The following PSIP1 variants were observed in gnomAD, a reference collection of about 807,000 sequenced individuals.
The protein encoded by PSIP1 is PC4 and SRSF1 interacting protein 1.
PSIP1 carries 19 observed loss-of-function variants against 74.7 expected under a neutral mutation model. The observed-to-expected ratio is 0.25, with a 90% CI of 0.18 to 0.37. PSIP1 has a LOEUF of 0.37. PSIP1 is among the 10% of genes least tolerant of loss of function. The pLI is 1.00. For missense variants in PSIP1, 601 were observed against 614.3 expected (o/e 0.98, Z 0.23); for synonymous variants, 222 against 195.3 (o/e 1.14, Z -1.14).
Position 15,472,672 on chromosome 9 carries a change from C to G in PSIP1, c.937G>C (p.Asp313His). The change falls in exon 10 of 16, where the codon GAT becomes CAT. Residue 313 changes from aspartate (D) to histidine (H), a missense_variant. Coordinates refer to ENST00000380733, the MANE Select transcript of PSIP1 (RefSeq NM_033222.5). ...LKGQHEKEAADRKRKQEEQME... is the reference protein window; with the variant it reads ...LKGQHEKEAAHRKRKQEEQME... ...TGTTCCTCTTGCTTGCGTTTTCGAT[C>G]TGCTGCTTCTTTCTCATGTTGGCCT... 6.2e-7 allele frequency: 1 copy of G among 1,607,194 alleles called. No individual in the cohort carries two copies. The highest frequency in any genetic ancestry group is 8.5e-7 in the Non-Finnish European group (1 of 1,178,400).
rs1195643131 is a variant in PSIP1 at position 15,470,952 on chromosome 9, A to C, written c.978-959T>G. 1.7e-5 allele frequency: 20 copies of C among 1,153,210 alleles called. No homozygotes were observed. In the East Asian group the frequency reaches 1.9e-4, roughly 11 times the overall value. The allele number at this position is 1,153,210 out of a possible 1,614,324, so 71.4% of individuals were successfully genotyped here. A position where few individuals can be genotyped will look rare whatever the true frequency, so the allele number is the denominator to read the frequency against. On this transcript the variant is annotated intron_variant, in intron 10 of 15. Coordinates refer to ENST00000380733, the MANE Select transcript of PSIP1 (RefSeq NM_033222.5). ...GCTTGGTTAAAAAAAAAAAAAAAAAAAAAAAACAGGAATGATGGCCGACCT... is the reference window on the plus strand; with the variant it reads ...GCTTGGTTAAAAAAAAAAAAAAAAACAAAAAACAGGAATGATGGCCGACCT...
In PSIP1 at chr9:15,466,793, C is replaced by T. The variant is rs779610320; in HGVS notation, c.1487G>A (p.Ser496Asn). Residue 496 changes from serine (S) to asparagine (N), a missense_variant, in exon 15 of 16, where the codon AGC (serine) becomes AAC (asparagine). Physicochemically the swap from Ser to Asn is conservative, Grantham distance 46. Around this residue, in one of 2 missense-constraint regions of PSIP1, gnomAD observed 538 missense variants for 507.6 expected, o/e 1.06. Coordinates refer to ENST00000380733, the MANE Select transcript of PSIP1 (RefSeq NM_033222.5). ...ATGGTTGTCTTTGCTGTCTTCATTG[C>T]TCTCCCCGTTATGTTGTGGCTGATT... Reference protein sequence around the residue: ...DGNQPQHNGESNEDSKDNHEA... With the variant: ...DGNQPQHNGENNEDSKDNHEA... 1 of 1,613,634 alleles carries T rather than the reference C, an allele frequency of 6.2e-7. No homozygotes were observed.
At chr9:15,476,491 CA>C (rs1488636940) in intron 8 of PSIP1, among the ~76,000 whole-genome samples, 9 of 152,034 alleles carry the variant, frequency 5.9e-5, no homozygotes, top group African/African-American at 7.2e-5. Flanking sequence ...AAGATGTGTT[CA>C]AAAAAGATTA....
intron 8 of PSIP1, 98 bp downstream of exon 8, chr9:15,478,379 A>C: frequency 1.0e-6 from 1 of 960,794 alleles, no homozygotes; most frequent in Non-Finnish European, 1.6e-6. Flanking sequence ...AATAACAAAC[A>C]TCCTGTAAGA....
chr9:15,493,715 G>A (rs2036943380), intron 3 of PSIP1, among the ~76,000 whole-genome samples: 1 of 152,188 alleles, frequency 6.6e-6, no homozygotes, highest in South Asian at 2.1e-4. Context: ...GAGGGAATGA[G>A]CGCAAGCAGG....
chr9:15,470,089 TA>T, intron 10 of PSIP1, 96 bp from the exon 11 acceptor site: 1 of 952,112 alleles, frequency 1.1e-6, no homozygotes, highest in Non-Finnish European at 1.6e-6. Context: ...TTCCTTAAAA[TA>T]AGTCAATAGC....
chr9:15,488,891 G>A (rs933692005), intron 4 of PSIP1, among the ~76,000 whole-genome samples: 1 of 151,836 alleles, frequency 6.6e-6, no homozygotes, highest in Non-Finnish European at 1.5e-5. Flanking sequence ...TGTGGTGGCG[G>A]GCACCTGTAG....
intron 14 of PSIP1, among the ~76,000 whole-genome samples, chr9:15,468,020 T>G (rs1428236628): frequency 1.3e-5 from 2 of 151,068 alleles, no homozygotes; most frequent in Non-Finnish European, 2.9e-5. Flanking sequence ...CTCTGGAGGT[T>G]GAGGCAGGAG....
chr9:15,480,061 T>C (rs942064027), intron 6 of PSIP1, among the ~76,000 whole-genome samples: 10 of 152,214 alleles, frequency 6.6e-5, no homozygotes, highest in Non-Finnish European at 2.9e-5. Flanking sequence ...ACCTAACAGT[T>C]CTCCTTTAGG....
chr9:15,471,344 G>A (rs766176193), intron 10 of PSIP1: 7 of 1,565,140 alleles, frequency 4.5e-6, no homozygotes, highest in South Asian at 2.2e-5. Flanking sequence ...AATAACAGGA[G>A]AAGGAAAGAA....
At chr9:15,485,175 C>G (rs896208021) in intron 6 of PSIP1, among the ~76,000 whole-genome samples, 3 of 152,102 alleles carry the variant, frequency 2.0e-5, no homozygotes, top group Non-Finnish European at 4.4e-5. Flanking sequence ...GTCTTTAGGA[C>G]AACATCAGGT....
intron 3 of PSIP1, among the ~76,000 whole-genome samples, chr9:15,491,463 C>G (rs1029178027): frequency 2.6e-5 from 4 of 152,198 alleles, no homozygotes; most frequent in Admixed American, 2.0e-4. Context: ...ACAAGTACTA[C>G]TGATCTGGGC....
At chr9:15,470,633 A>G (rs1164903116) in intron 10 of PSIP1, 7 of 948,120 alleles carry the variant, frequency 7.4e-6, no homozygotes, top group Middle Eastern at 5.4e-4. Context: ...TCTAAAAATC[A>G]GGTTTTTTTT....
chr9:15,496,313 T>C (rs570097053), intron 3 of PSIP1, among the ~76,000 whole-genome samples: 1 of 152,226 alleles, frequency 6.6e-6, no homozygotes, highest in Non-Finnish European at 1.5e-5. Flanking sequence ...TGCCTATATA[T>C]ACCCTTCTCT....
intron 4 of PSIP1, among the ~76,000 whole-genome samples, chr9:15,488,837 C>T (rs187835075): frequency 2.8e-4 from 42 of 151,868 alleles, no homozygotes; most frequent in South Asian, 1.0e-3. Context: ...CTGGCTAACA[C>T]GGTGAAACCC....
chr9:15,489,595 C>T (rs1050005140), intron 4 of PSIP1, among the ~76,000 whole-genome samples: 4 of 108,688 alleles, frequency 3.7e-5, no homozygotes, highest in South Asian at 2.6e-4. Flanking sequence ...GCAACAAGAG[C>T]GAAACTACAC....
chr9:15,495,754 A>C (rs2037044811), intron 3 of PSIP1, among the ~76,000 whole-genome samples: 1 of 152,096 alleles, frequency 6.6e-6, no homozygotes, highest in African/African-American at 2.4e-5. Context: ...TGTTGGTATC[A>C]CTTCTATTAA....
At position 15,510,008 on chromosome 9, in the gene PSIP1, T is replaced by A. The variant is rs949295513; in HGVS notation, c.72+109A>T. ...TGAAAGGTCAGGTTACAAATGAGAC[T>A]AAAGCGAGGGAGAGAAAGGACAGAA... On this transcript the variant is annotated intron_variant, in intron 2 of 15. Coordinates refer to ENST00000380733, the MANE Select transcript of PSIP1 (RefSeq NM_033222.5). 5.9e-5 allele frequency: 67 copies of A among 1,144,382 alleles called. 1 individual carries two copies. Among genetic ancestry groups the A allele is most frequent in the Non-Finnish European group, 3.7e-6 (3 of 807,068 alleles). The allele number at this position is 1,144,382 out of a possible 1,614,324, so 70.9% of individuals were successfully genotyped here.
intron 3 of PSIP1, among the ~76,000 whole-genome samples, chr9:15,504,502 C>G (rs2037493030): frequency 6.6e-6 from 1 of 152,058 alleles, no homozygotes; most frequent in Non-Finnish European, 1.5e-5. Flanking sequence ...CTTTAGGAGG[C>G]CGAGGTGGGC....
Sources: gnomAD v4.1 joint callset for allele counts (sites outside exome capture counted in the v4.1 genomes callset) on GRCh38, gnomAD v4.1.1 for gene constraint, gnomAD v4.1.1 regional missense constraint, MANE v1.5 for transcripts, NCBI Gene and HGNC (gene_info 2026-07-23, HGNC 2026-07-21) for gene names.